The following AOPEP variants were observed in gnomAD, a reference collection of about 807,000 sequenced individuals.
AOPEP encodes aminopeptidase O.
AOPEP carries 77 observed loss-of-function variants against 98.1 expected under a neutral mutation model. The observed-to-expected ratio is 0.78, with a 90% CI of 0.65 to 0.95. The LOEUF is 0.95. Among genes scored for constraint, AOPEP ranks in the 40% least tolerant of loss-of-function variants. The probability of loss-of-function intolerance (pLI) is 0.00; values close to 1 mark genes in which losing one functional copy is unlikely to be tolerated. For missense variants in AOPEP, 1,024 were observed against 1,024.7 expected, an observed-to-expected ratio of 1.00 and a Z score of 0.01; for synonymous variants, 346 against 365.3, an observed-to-expected ratio of 0.95 and a Z score of 0.60.
At chr9:94,873,195 G>C (rs2046546640) in intron 5 of AOPEP, among the ~76,000 whole-genome samples, 1 of 152,112 alleles carries the variant, frequency 6.6e-6, no homozygotes, top group Admixed American at 6.6e-5. Flanking sequence ...GTTTCCAGGG[G>C]CATTGTTTCT....
intron 16 of AOPEP, among the ~76,000 whole-genome samples, chr9:95,084,465 C>T (rs1229488098): frequency 1.3e-5 from 2 of 152,220 alleles, no homozygotes; most frequent in Non-Finnish European, 1.5e-5. Flanking sequence ...GCTGGCGGCA[C>T]ACAGACTGTG....
chr9:95,101,296 G>A, the AOPEP span: 1 of 324,190 alleles, frequency 3.1e-6, no homozygotes, highest in Non-Finnish European at 5.8e-6. Flanking sequence ...AAAGAGCTAA[G>A]TTCTCTCTAA....
At chr9:94,835,306 A>G (rs548247615) in intron 5 of AOPEP, among the ~76,000 whole-genome samples, 17 of 152,272 alleles carry the variant, frequency 1.1e-4, no homozygotes, top group South Asian at 6.2e-4. Flanking sequence ...CTCTGTACTA[A>G]GGATAGATGT....
At chr9:95,086,447 T>C (rs754990670) in intron 16 of AOPEP, 2 of 985,266 alleles carry the variant, frequency 2.0e-6, no homozygotes, top group African/African-American at 3.5e-5. Context: ...CTAGCAGCTA[T>C]TGTGTACGCA....
chr9:95,060,811 G>A lies in AOPEP; in HGVS notation c.2232+1G>A. ...CCACCTCCAGGATCAGGATGCAGAG[G>A]TAACCAGGAACACTCTCGGAGTTTA... On this transcript the variant is annotated splice_donor_variant, in intron 14 of 16. Transcript: ENST00000375315. LOFTEE classifies it high-confidence loss of function. 6.3e-7 allele frequency: 1 copy of A among 1,589,858 alleles called. No individual in the cohort carries two copies. Among genetic ancestry groups the A allele is most frequent in the Non-Finnish European group, 8.6e-7 (1 of 1,157,822 alleles).
chr9:94,969,324 T>A (rs142730165), intron 10 of AOPEP, among the ~76,000 whole-genome samples: 2 of 152,092 alleles, frequency 1.3e-5, no homozygotes, highest in African/African-American at 4.8e-5. Flanking sequence ...TTAGAACCAA[T>A]GTTTGGGGTT....
chr9:95,045,586 C>T (rs973399479), intron 13 of AOPEP, among the ~76,000 whole-genome samples: 4 of 152,222 alleles, frequency 2.6e-5, no homozygotes, highest in African/African-American at 9.6e-5. Flanking sequence ...GGGTCGGGAC[C>T]CTTGCACCCA....
the AOPEP span, chr9:95,145,150 A>G: frequency 6.6e-6 from 1 of 152,250 alleles, no homozygotes; most frequent in Non-Finnish European, 1.5e-5. Context: ...TAAGAGTTAT[A>G]GATTTAAAAA....
chr9:95,028,273 G>A (rs954730402), intron 13 of AOPEP, among the ~76,000 whole-genome samples: 5 of 152,246 alleles, frequency 3.3e-5, no homozygotes, highest in Non-Finnish European at 5.9e-5. Context: ...GTGGCAGTTT[G>A]TTATAAAGGA....
Position 94,980,601 on chromosome 9 carries a change from A to C in AOPEP, c.1977+1174A>C, listed in dbSNP as rs1169792277. On this transcript the variant is annotated intron_variant, in intron 11 of 16. Coordinates refer to ENST00000375315, the MANE Select transcript of AOPEP (RefSeq NM_001193329.3). The surrounding 1 kb of genome is among the most constrained non-coding windows in gnomAD (Gnocchi z 4.3). ...CATAAGCTCATTCCTAAAAAAGGACAGTTTGCCTTCAGTTCAGGAATGTGT... is the reference window on the plus strand; with the variant it reads ...CATAAGCTCATTCCTAAAAAAGGACCGTTTGCCTTCAGTTCAGGAATGTGT... 6.6e-6 allele frequency among the ~76,000 whole-genome samples: 1 copy of C among 152,220 alleles called. No homozygotes were observed. The highest frequency in any genetic ancestry group is 1.5e-5 in the Non-Finnish European group (1 of 68,030).
At chr9:94,858,171 T>C (rs937690719) in intron 5 of AOPEP, among the ~76,000 whole-genome samples, 9 of 152,186 alleles carry the variant, frequency 5.9e-5, no homozygotes, top group African/African-American at 2.2e-4. Context: ...TCAATGCTGA[T>C]TCTTGGCCTA....
chr9:94,807,189 A>G (rs548086055), intron 5 of AOPEP, among the ~76,000 whole-genome samples: 2 of 152,334 alleles, frequency 1.3e-5, no homozygotes, highest in South Asian at 4.1e-4. Flanking sequence ...TGTTGGAGCA[A>G]CAGGCAGAGT....
intron 7 of AOPEP, among the ~76,000 whole-genome samples, chr9:94,949,221 A>G (rs1029961825): frequency 3.9e-5 from 6 of 152,210 alleles, no homozygotes; most frequent in Admixed American, 3.9e-4. Context: ...ATGGGCAATC[A>G]AGACCTGAGG....
intron 14 of AOPEP, among the ~76,000 whole-genome samples, chr9:95,063,158 TTGTC>T (rs2067481306): frequency 1.3e-5 from 2 of 152,234 alleles, no homozygotes. Flanking sequence ...CAGAAGCACC[TTGTC>T]TTTCTGCAGT....
rs1015269498 is a variant in AOPEP at position 94,972,685 on chromosome 9, C to G, written c.1916+4884C>G. On this transcript the variant is annotated intron_variant, in intron 10 of 16. Coordinates refer to ENST00000375315, the MANE Select transcript of AOPEP (RefSeq NM_001193329.3). The surrounding 1 kb of genome is among the most constrained non-coding windows in gnomAD (Gnocchi z 4.2). ...GGGCACCGTGGCTCATGCCTGTAATCCCAGCACTTTGGGAGGCCAAGGTGG... is the reference window on the plus strand; with the variant it reads ...GGGCACCGTGGCTCATGCCTGTAATGCCAGCACTTTGGGAGGCCAAGGTGG... Among the ~76,000 whole-genome samples the G allele has an allele frequency of 6.6e-6, 1 of 152,198 alleles. No homozygotes were observed. Among genetic ancestry groups the G allele is most frequent in the African/African-American group, 2.4e-5 (1 of 41,454 alleles).
At position 95,085,999 on chromosome 9, in the gene AOPEP, C is replaced by T. The variant is rs750339735; in HGVS notation, c.*5-683C>T. ...GCTCCCAGCTGAGGCGCTGCTTCTC[C>T]GGGCTGTCGATTGGACCCGCCCTCC... On this transcript the variant is annotated intron_variant, in intron 16 of 16. Coordinates refer to ENST00000375315, the MANE Select transcript of AOPEP (RefSeq NM_001193329.3). 19 of 1,365,196 alleles carry T rather than the reference C, an allele frequency of 1.4e-5. 1 individual carries two copies. The highest frequency in any genetic ancestry group is 2.3e-4 in the Middle Eastern group (1 of 4,378). 84.6% of individuals were successfully genotyped at this position (1,365,196 alleles called of 1,614,324 possible). A position where few individuals can be genotyped will look rare whatever the true frequency, so the allele number is the denominator to read the frequency against.
intron 5 of AOPEP, among the ~76,000 whole-genome samples, chr9:94,853,005 T>C (rs567186366): frequency 2.0e-5 from 3 of 152,088 alleles, no homozygotes; most frequent in Non-Finnish European, 4.4e-5. Context: ...ATCGAGTAAA[T>C]ATTAGAATTC....
chr9:95,059,007 T>C (rs1208894854), intron 13 of AOPEP, among the ~76,000 whole-genome samples: 1 of 152,220 alleles, frequency 6.6e-6, no homozygotes, highest in Non-Finnish European at 1.5e-5. Context: ...GCAGTGTTCA[T>C]GGTATGAATG....
chr9:94,941,848 A>C (rs2057045848), intron 7 of AOPEP, among the ~76,000 whole-genome samples: 1 of 152,166 alleles, frequency 6.6e-6, no homozygotes, highest in Non-Finnish European at 1.5e-5. Flanking sequence ...AAAACATGAA[A>C]AAGCAAGACA....
Sources: gnomAD v4.1 joint callset for allele counts (sites outside exome capture counted in the v4.1 genomes callset) on GRCh38, gnomAD v4.1.1 for gene constraint, Gnocchi (gnomAD v3.1) non-coding constraint, MANE v1.5 for transcripts, NCBI Gene and HGNC (gene_info 2026-07-23, HGNC 2026-07-21) for gene names.